The following ANKS1B variants were observed in gnomAD, a reference collection of about 807,000 sequenced individuals.
The protein encoded by ANKS1B is ankyrin repeat and sterile alpha motif domain-containing protein 1B.
A neutral mutation model predicts 148.3 loss-of-function variants in ANKS1B; 36 were observed. The ratio of observed to expected loss-of-function variants is 0.24; its 90% CI spans 0.19 to 0.32. The LOEUF (loss-of-function observed/expected upper bound fraction) is 0.32. ANKS1B is among the 10% of genes least tolerant of loss of function. The pLI, the probability that ANKS1B is intolerant of heterozygous loss-of-function variation, is 1.00. For missense variants in ANKS1B, 1,157 were observed against 1,542.6 expected, an observed-to-expected ratio of 0.75 and a Z score of 4.19; for synonymous variants, 542 against 560.8, an observed-to-expected ratio of 0.97 and a Z score of 0.47.
intron 12 of ANKS1B, among the ~76,000 whole-genome samples, chr12:99,380,804 T>TTCCTTC (rs1566991383): frequency 0.053 from 5,325 of 100,758 alleles, 170 homozygotes; most frequent in African/African-American, 0.12. Flanking sequence ...TTCCTTCCTT[T>TTCCTTC]CTCATGCTCC....
exon 10 of ANKS1B, chr12:98,735,188 A>G: frequency 2.5e-6 from 1 of 398,828 alleles, no homozygotes; most frequent in Middle Eastern, 6.3e-4. Flanking sequence ...CAAGAGGAGG[A>G]TTTTGTTTTG....
intron 1 of ANKS1B, among the ~76,000 whole-genome samples, chr12:99,901,960 TATG>T (rs2093615178): frequency 1.3e-5 from 2 of 152,344 alleles, no homozygotes; most frequent in South Asian, 4.1e-4. Context: ...GAACACTTAT[TATG>T]ATCCATGCTT....
At chr12:99,620,008 C>CAAGT (rs1429220387) in intron 9 of ANKS1B, among the ~76,000 whole-genome samples, 1 of 152,162 alleles carries the variant, frequency 6.6e-6, no homozygotes, top group Non-Finnish European at 1.5e-5. Flanking sequence ...AAACAGGGAT[C>CAAGT]AAGTATACAC....
intron 8 of ANKS1B, among the ~76,000 whole-genome samples, chr12:99,751,518 G>T (rs1239505385): frequency 6.6e-6 from 1 of 152,024 alleles, no homozygotes; most frequent in Non-Finnish European, 1.5e-5. Flanking sequence ...CCCCAGGCAA[G>T]ACTGAACTAA....
intron 12 of ANKS1B, among the ~76,000 whole-genome samples, chr12:99,343,170 T>G (rs1242847986): frequency 6.6e-6 from 1 of 152,040 alleles, no homozygotes; most frequent in East Asian, 1.9e-4. Flanking sequence ...CATATATCTT[T>G]TAAGTCTACC....
At chr12:99,336,581 G>A (rs746412774) in intron 12 of ANKS1B, among the ~76,000 whole-genome samples, 6 of 151,868 alleles carry the variant, frequency 4.0e-5, no homozygotes, top group South Asian at 2.1e-4. Flanking sequence ...CATTCTTCTC[G>A]TATGGATATC....
intron 9 of ANKS1B, among the ~76,000 whole-genome samples, chr12:99,505,422 C>A (rs1234616195): frequency 6.6e-6 from 1 of 151,732 alleles, no homozygotes; most frequent in Non-Finnish European, 1.5e-5. Flanking sequence ...CTTGTAAATA[C>A]CATTAACTAA....
chr12:99,034,688 A>G (rs914743072), intron 17 of ANKS1B, among the ~76,000 whole-genome samples: 2 of 152,216 alleles, frequency 1.3e-5, no homozygotes, highest in African/African-American at 4.8e-5. Context: ...GAAGATGGAG[A>G]GGAGCTGGAG....
At chr12:98,825,991 T>TA (rs1344171519) in intron 19 of ANKS1B, among the ~76,000 whole-genome samples, 4 of 152,228 alleles carry the variant, frequency 2.6e-5, no homozygotes, top group Non-Finnish European at 5.9e-5. Context: ...CATTAAGGTA[T>TA]AATTACACAT....
intron 8 of ANKS1B, among the ~76,000 whole-genome samples, chr12:99,698,385 G>A (rs1195253961): frequency 2.0e-5 from 3 of 152,066 alleles, no homozygotes; most frequent in Non-Finnish European, 1.5e-5. Flanking sequence ...CAATTTAAGT[G>A]TGTGTGTGTC....
intron 11 of ANKS1B, among the ~76,000 whole-genome samples, chr12:99,429,433 T>C (rs958121667): frequency 6.6e-6 from 1 of 152,218 alleles, no homozygotes; most frequent in Non-Finnish European, 1.5e-5. Context: ...AATTTGTGAT[T>C]GCTTTTAAAG....
intron 14 of ANKS1B, among the ~76,000 whole-genome samples, chr12:99,242,096 T>A (rs2089454178): frequency 1.3e-5 from 2 of 152,138 alleles, no homozygotes; most frequent in Admixed American, 6.6e-5. Context: ...AAAGAGGAAG[T>A]CAAATTGTCT....
At chr12:99,559,942 ACCT>A in intron 9 of ANKS1B, among the ~76,000 whole-genome samples, 1 of 152,308 alleles carries the variant, frequency 6.6e-6, no homozygotes, top group Non-Finnish European at 1.5e-5. Flanking sequence ...TAAAAGTAAG[ACCT>A]AAAATAATTG....
intron 8 of ANKS1B, among the ~76,000 whole-genome samples, chr12:99,690,790 C>G (rs1567651282): frequency 6.6e-6 from 1 of 152,156 alleles, no homozygotes; most frequent in Non-Finnish European, 1.5e-5. Flanking sequence ...GTAAGTGGAT[C>G]TATGATTCCG....
chr12:98,799,195 A>G (rs532619565), intron 21 of ANKS1B, among the ~76,000 whole-genome samples, 190 bp from the exon 22 acceptor site: 12 of 152,306 alleles, frequency 7.9e-5, no homozygotes, highest in African/African-American at 2.9e-4. Context: ...AGAATTAACC[A>G]TAAGTTCTGG....
At chr12:99,902,206 G>T (rs962860895) in intron 1 of ANKS1B, among the ~76,000 whole-genome samples, 5 of 152,154 alleles carry the variant, frequency 3.3e-5, no homozygotes, top group African/African-American at 1.2e-4. Flanking sequence ...CTCTGAGGAG[G>T]TGACATTTTA....
chr12:99,654,446 C>T (rs949643324), intron 9 of ANKS1B, among the ~76,000 whole-genome samples: 1 of 152,134 alleles, frequency 6.6e-6, no homozygotes, highest in Non-Finnish European at 1.5e-5. Flanking sequence ...CTTCAAATTT[C>T]CTATCTCTGG....
At chr12:99,858,944 G>A (rs984284843) in intron 1 of ANKS1B, among the ~76,000 whole-genome samples, 32 of 152,124 alleles carry the variant, frequency 2.1e-4, no homozygotes, top group African/African-American at 7.7e-4. Flanking sequence ...AGTGGTGGGT[G>A]CGCCAAAATC....
chr12:99,900,524 A>C (rs1322115638), intron 1 of ANKS1B, among the ~76,000 whole-genome samples: 1 of 147,062 alleles, frequency 6.8e-6, no homozygotes, highest in African/African-American at 2.6e-5. Context: ...AAAAAAAAAA[A>C]AAAACTATGT....
Sources: gnomAD v4.1 joint callset for allele counts (sites outside exome capture counted in the v4.1 genomes callset) on GRCh38, gnomAD v4.1.1 for gene constraint, MANE v1.5 for transcripts, NCBI Gene and HGNC (gene_info 2026-07-23, HGNC 2026-07-21) for gene names.